The following PDE11A variants were observed in gnomAD, a reference collection of about 807,000 sequenced individuals.
PDE11A encodes the protein dual 3',5'-cyclic-AMP and -GMP phosphodiesterase 11A.
Under a neutral mutation model 100.5 loss-of-function variants are expected in PDE11A, and 100 were observed. The observed-to-expected ratio is 1.00, with a 90% CI of 0.85 to 1.18. The LOEUF is 1.18. Among genes scored for constraint, PDE11A ranks in the 50% most tolerant of loss-of-function variants. The probability of loss-of-function intolerance (pLI) is 0.00; values close to 1 mark genes in which losing one functional copy is unlikely to be tolerated. For synonymous variants in PDE11A, 381 were observed against 420.8 expected, an observed-to-expected ratio of 0.91 and a Z score of 1.16; for missense variants, 1,141 against 1,152.6, an observed-to-expected ratio of 0.99 and a Z score of 0.15.
At chr2:178,030,079 G>C (rs1527297) in intron 1 of PDE11A, among the ~76,000 whole-genome samples, 42,424 of 151,770 alleles carry the variant, frequency 0.28, 6,089 homozygotes, top group Non-Finnish European at 0.31. Flanking sequence ...TGTTATAGCA[G>C]CACAAAACTG....
chr2:177,736,680 T>C (rs2081789343), intron 10 of PDE11A, among the ~76,000 whole-genome samples: 1 of 152,142 alleles, frequency 6.6e-6, no homozygotes, highest in Non-Finnish European at 1.5e-5. Flanking sequence ...AGGACCCCCA[T>C]GGAGGCAAAG....
At chr2:177,875,967 A>G (rs776101170) in intron 4 of PDE11A, 44 bp from the exon 5 acceptor site, 1 of 1,102,594 alleles carries the variant, frequency 9.1e-7, no homozygotes, top group Non-Finnish European at 1.4e-6. Context: ...TTAAAGCTTT[A>G]TTGCCGTTTA....
intron 2 of PDE11A, among the ~76,000 whole-genome samples, chr2:177,948,948 A>G (rs1036178868): frequency 6.6e-6 from 1 of 152,214 alleles, no homozygotes; most frequent in Non-Finnish European, 1.5e-5. Flanking sequence ...GATTATATAT[A>G]TTACCAAAAG....
chr2:177,766,959 C>A (rs937011963), intron 10 of PDE11A, among the ~76,000 whole-genome samples: 2 of 152,160 alleles, frequency 1.3e-5, no homozygotes, highest in African/African-American at 4.8e-5. Context: ...TGTGAGCTAA[C>A]AATAGAAATG....
chr2:177,756,187 C>A (rs2082087938), intron 10 of PDE11A, among the ~76,000 whole-genome samples: 1 of 152,128 alleles, frequency 6.6e-6, no homozygotes, highest in African/African-American at 2.4e-5. Context: ...TCAGACAGGG[C>A]CACTGCTAAC....
At chr2:177,997,276 A>T (rs529829948) in intron 2 of PDE11A, 15 of 1,152,050 alleles carry the variant, frequency 1.3e-5, no homozygotes, top group African/African-American at 4.6e-5. Context: ...TCCTCTCATA[A>T]TTAAAGTTGC....
chr2:177,673,803 G>A (rs1356075719), intron 17 of PDE11A, among the ~76,000 whole-genome samples: 1 of 152,132 alleles, frequency 6.6e-6, no homozygotes, highest in Non-Finnish European at 1.5e-5. Flanking sequence ...TAGAAGGATG[G>A]TACTTCCTGG....
intron 9 of PDE11A, among the ~76,000 whole-genome samples, chr2:177,793,315 C>T (rs926079906): frequency 2.0e-5 from 3 of 152,072 alleles, no homozygotes; most frequent in African/African-American, 4.8e-5. Context: ...CAGAAGTGAC[C>T]ACCACTCTGA....
chr2:177,677,750 T>C (rs560758108), intron 16 of PDE11A: 1 of 152,316 alleles, frequency 6.6e-6, no homozygotes, highest in South Asian at 2.1e-4. Flanking sequence ...TTCTATGTTA[T>C]TTTTTAGATT....
At chr2:177,692,512 A>G (rs533414168) in intron 15 of PDE11A, among the ~76,000 whole-genome samples, 8 of 152,326 alleles carry the variant, frequency 5.3e-5, no homozygotes, top group African/African-American at 1.9e-4. Flanking sequence ...GCTGACAAGG[A>G]AACTGAGGCA....
intron 2 of PDE11A, among the ~76,000 whole-genome samples, chr2:177,911,548 C>A (rs1192587178): frequency 1.3e-5 from 2 of 152,130 alleles, no homozygotes; most frequent in Non-Finnish European, 2.9e-5. Context: ...TCAAAGAAAA[C>A]AGTCTCCAAA....
At chr2:178,037,804 A>C (rs1406650266) in intron 1 of PDE11A, among the ~76,000 whole-genome samples, 5 of 152,136 alleles carry the variant, frequency 3.3e-5, no homozygotes, top group Admixed American at 6.6e-5. Context: ...TCTCACTCAT[A>C]AGTGGGAGTT....
At chr2:177,898,604 A>T (rs1038298945) in intron 3 of PDE11A, among the ~76,000 whole-genome samples, 1 of 152,210 alleles carries the variant, frequency 6.6e-6, no homozygotes, top group Non-Finnish European at 1.5e-5. Context: ...AAATGTTGAA[A>T]ATTACTAATG....
Position 177,669,541 on chromosome 2 carries a change from G to T in PDE11A, c.2514C>A (p.Phe838Leu), listed in dbSNP as rs1192259914. The T allele has an allele frequency of 2.0e-6, 3 of 1,474,686 alleles. No individual in the cohort carries two copies. The highest frequency in any genetic ancestry group is 2.8e-6 in the Non-Finnish European group (3 of 1,053,194). The allele number at this position is 1,474,686 out of a possible 1,614,324, so 91.4% of individuals were successfully genotyped here. Residue 838 changes from phenylalanine to leucine, a missense_variant, in exon 18 of 20, where the codon TTC becomes TTA. Coordinates refer to ENST00000286063, the MANE Select transcript of PDE11A (RefSeq NM_016953.4). ...ATCTCTCCCGATCTCCTTGTTCGAA[G>T]AACTCACTGGTTACAAGTTCTGCCA... ...RQVAELVTSE[F>L]FEQGDRERLE... is the part of the protein sequence containing the mutation.
At chr2:177,922,120 A>G (rs2085058899) in intron 2 of PDE11A, among the ~76,000 whole-genome samples, 2 of 151,772 alleles carry the variant, frequency 1.3e-5, no homozygotes, top group African/African-American at 4.8e-5. Context: ...GAGACTTCCT[A>G]TCTCACTCTC....
At chr2:177,846,243 TC>T (rs917948055) in intron 5 of PDE11A, among the ~76,000 whole-genome samples, 10 of 152,312 alleles carry the variant, frequency 6.6e-5, no homozygotes, top group African/African-American at 2.2e-4. Flanking sequence ...AGCAAAGTGA[TC>T]TTAGGAAAAC....
At chr2:177,714,589 C>T (rs2081408558) in intron 12 of PDE11A, among the ~76,000 whole-genome samples, 2 of 152,144 alleles carry the variant, frequency 1.3e-5, no homozygotes, top group South Asian at 4.1e-4. Flanking sequence ...ACACTGGCGA[C>T]GTCTAGCAGC....
At chr2:177,702,544 T>C (rs1027260700) in intron 13 of PDE11A, 1 of 152,162 alleles carries the variant, frequency 6.6e-6, no homozygotes, top group South Asian at 2.1e-4. Context: ...TGGAGATTGA[T>C]TGCATACAAT....
chr2:177,671,022 C>T (rs995113303), intron 17 of PDE11A, among the ~76,000 whole-genome samples: 6 of 152,204 alleles, frequency 3.9e-5, no homozygotes, highest in Admixed American at 1.3e-4. Context: ...AGGCTTCTCT[C>T]TTCTTTCTCT....
Sources: gnomAD v4.1 joint callset for allele counts (sites outside exome capture counted in the v4.1 genomes callset) on GRCh38, gnomAD v4.1.1 for gene constraint, MANE v1.5 for transcripts, NCBI Gene and HGNC (gene_info 2026-07-23, HGNC 2026-07-21) for gene names.